The following RALYL variants were observed in gnomAD, a reference collection of about 807,000 sequenced individuals.
RALYL encodes the protein RALY RNA binding protein like, also known as RNA-binding Raly-like protein.
A neutral mutation model predicts 35.1 loss-of-function variants in RALYL; 29 were observed. That is an observed-to-expected ratio of 0.83 (90% CI 0.61 to 1.13). The LOEUF (loss-of-function observed/expected upper bound fraction) is 1.13. RALYL is among the 50% of genes most tolerant of loss of function. RALYL has a pLI of 0.00. For missense variants in RALYL, 359 were observed against 360.4 expected (o/e 1.00, Z 0.03); for synonymous variants, 120 against 127.6 (o/e 0.94, Z 0.40).
intron 1 of RALYL, among the ~76,000 whole-genome samples, chr8:84,490,800 T>G (rs1196778753): frequency 1.3e-5 from 2 of 151,726 alleles, no homozygotes; most frequent in Non-Finnish European, 2.9e-5. Flanking sequence ...GGTAACTGAC[T>G]GTGGAAGATT....
At chr8:84,545,573 A>G (rs190818110) in intron 2 of RALYL, among the ~76,000 whole-genome samples, 1 of 152,148 alleles carries the variant, frequency 6.6e-6, no homozygotes, top group Non-Finnish European at 1.5e-5. Context: ...ATTTGTCCAG[A>G]TCTACTTTTG....
chr8:84,400,603 C>G (rs777536491), intron 1 of RALYL, among the ~76,000 whole-genome samples: 11 of 152,132 alleles, frequency 7.2e-5, no homozygotes, highest in Non-Finnish European at 1.3e-4. Flanking sequence ...AGCCATATTT[C>G]TAAATCGGGC....
At chr8:84,419,915 T>C (rs2045288839) in intron 1 of RALYL, among the ~76,000 whole-genome samples, 1 of 151,794 alleles carries the variant, frequency 6.6e-6, no homozygotes, top group African/African-American at 2.4e-5. Flanking sequence ...ATGTTGTATA[T>C]GTGCCACATT....
intron 2 of RALYL, among the ~76,000 whole-genome samples, chr8:84,544,872 G>A (rs2060253284): frequency 6.6e-6 from 1 of 151,806 alleles, no homozygotes; most frequent in Non-Finnish European, 1.5e-5. Context: ...CCCATCTGAT[G>A]GATGATGATA....
intron 1 of RALYL, among the ~76,000 whole-genome samples, chr8:84,483,798 T>G (rs1455905410): frequency 6.6e-6 from 1 of 152,172 alleles, no homozygotes; most frequent in African/African-American, 2.4e-5. Flanking sequence ...GCCAGCCATT[T>G]TTACATGCAG....
chr8:84,543,001 A>C (rs893038827), intron 2 of RALYL, among the ~76,000 whole-genome samples: 4 of 152,176 alleles, frequency 2.6e-5, no homozygotes, highest in African/African-American at 9.6e-5. Flanking sequence ...CATTGAAAGA[A>C]CAAAATCATT....
intron 2 of RALYL, among the ~76,000 whole-genome samples, chr8:84,633,875 T>C (rs902814489): frequency 2.0e-5 from 3 of 151,872 alleles, no homozygotes. Flanking sequence ...GTCCTACTTA[T>C]AATTGTTTGG....
At chr8:84,705,073 C>A (rs1589115306) in intron 2 of RALYL, among the ~76,000 whole-genome samples, 1 of 152,280 alleles carries the variant, frequency 6.6e-6, no homozygotes, top group Non-Finnish European at 1.5e-5. Context: ...CAAGTCAGCA[C>A]CCAAAGGTGT....
chr8:84,833,596 C>A (rs1006972859), intron 4 of RALYL, among the ~76,000 whole-genome samples: 1 of 150,424 alleles, frequency 6.6e-6, no homozygotes, highest in East Asian at 1.9e-4. Context: ...TGAGATTGCG[C>A]CATTGCACTC....
At position 84,369,302 on chromosome 8, in the gene RALYL, G is replaced by GTATTTATT. The variant is rs143936722; in HGVS notation, c.-23-159970_-23-159963dup. Among the ~76,000 whole-genome samples, 713 of 151,212 alleles carry GTATTTATT rather than the reference G, an allele frequency of 4.7e-3. 6 individuals are homozygous for GTATTTATT. Among genetic ancestry groups the GTATTTATT allele is most frequent in the African/African-American group, 0.014 (561 of 41,162 alleles). ...TTAACAATTACAGTGGAAAAAACTAGTATTTATTTATTTATTTATTTATTT... is the reference window on the plus strand; with the variant it reads ...TTAACAATTACAGTGGAAAAAACTAGTATTTATTTATTTATTTATTTATTTATTTATTT... On this transcript the variant is annotated intron_variant, in intron 1 of 8. Coordinates refer to ENST00000521268, the MANE Select transcript of RALYL (RefSeq NM_173848.7).
At chr8:84,617,926 C>A (rs969396136) in intron 2 of RALYL, among the ~76,000 whole-genome samples, 5 of 151,840 alleles carry the variant, frequency 3.3e-5, no homozygotes, top group African/African-American at 1.2e-4. Flanking sequence ...ACCAGCCTTG[C>A]ATCCCAGGGA....
chr8:84,546,812 T>C (rs2060387006), intron 2 of RALYL, among the ~76,000 whole-genome samples: 1 of 152,166 alleles, frequency 6.6e-6, no homozygotes, highest in Non-Finnish European at 1.5e-5. Context: ...TGGGTAGGGC[T>C]CTTGAATGAC....
At chr8:84,891,934 C>T (rs569103076) in intron 8 of RALYL, among the ~76,000 whole-genome samples, 1 of 152,138 alleles carries the variant, frequency 6.6e-6, no homozygotes, top group Non-Finnish European at 1.5e-5. Context: ...AGCTGGTATC[C>T]ACATGCCCAT....
At chr8:84,323,445 G>A (rs912892532) in intron 1 of RALYL, among the ~76,000 whole-genome samples, 1 of 151,980 alleles carries the variant, frequency 6.6e-6, no homozygotes. Flanking sequence ...GGGTTAGGAT[G>A]AACTAAGTTT....
intron 7 of RALYL, among the ~76,000 whole-genome samples, chr8:84,884,302 A>T (rs1181398983): frequency 6.6e-6 from 1 of 152,080 alleles, no homozygotes; most frequent in African/African-American, 2.4e-5. Context: ...GCCTTGGTTG[A>T]TCAAAGAGGG....
At position 84,311,408 on chromosome 8, in the gene RALYL, A is replaced by T. The variant is rs567507276; in HGVS notation, c.-24+126984A>T. On this transcript the variant is annotated intron_variant, in intron 1 of 8. Coordinates refer to ENST00000521268, the MANE Select transcript of RALYL (RefSeq NM_173848.7). Reference sequence around the variant, plus strand: ...AGAAAATAAACAGAAAATCTACTATAAACAAAATAATTCAGCAAATTAATA... The same window carrying T: ...AGAAAATAAACAGAAAATCTACTATTAACAAAATAATTCAGCAAATTAATA... 2.6e-4 allele frequency among the ~76,000 whole-genome samples: 39 copies of T among 152,266 alleles called. 1 individual carries two copies. In the South Asian group the frequency reaches 4.8e-3, roughly 19 times the overall value.
intron 3 of RALYL, among the ~76,000 whole-genome samples, chr8:84,800,955 T>C (rs1823101511): frequency 6.6e-6 from 1 of 152,154 alleles, no homozygotes; most frequent in African/African-American, 2.4e-5. Flanking sequence ...AAATAGAAAA[T>C]CTCATATTCT....
Position 84,318,790 on chromosome 8 carries a change from A to G in RALYL, c.-24+134366A>G, listed in dbSNP as rs546946973. ...AGTTTTTGTCATCATAATGTTTACA[A>G]TATAGGAAAACTAGCAGGTAATTCT... On this transcript the variant is annotated intron_variant, in intron 1 of 8. Coordinates refer to ENST00000521268, the MANE Select transcript of RALYL (RefSeq NM_173848.7). Among the ~76,000 whole-genome samples the G allele has an allele frequency of 2.4e-4, 36 of 152,332 alleles. 2 individuals are homozygous for G. The South Asian group carries it at 7.2e-3, about 31-fold the overall frequency.
chr8:84,196,856 T>G (rs1029173035), intron 1 of RALYL, among the ~76,000 whole-genome samples: 8 of 152,230 alleles, frequency 5.3e-5, no homozygotes, highest in Admixed American at 1.3e-4. Context: ...ATGGTCCCAT[T>G]GACTAAGAAA....
Sources: gnomAD v4.1 joint callset for allele counts (sites outside exome capture counted in the v4.1 genomes callset) on GRCh38, gnomAD v4.1.1 for gene constraint, MANE v1.5 for transcripts, NCBI Gene and HGNC (gene_info 2026-07-23, HGNC 2026-07-21) for gene names.